Variants in SRBD1 observed in about 807,000 individuals in gnomAD.
SRBD1 encodes the protein S1 RNA-binding domain-containing protein 1.
In SRBD1, 88 loss-of-function variants were observed where a neutral mutation model predicts 115.3. The observed-to-expected ratio is 0.76, with a 90% CI of 0.64 to 0.91. SRBD1 has a LOEUF of 0.91. SRBD1 is among the 40% of genes least tolerant of loss of function. SRBD1 has a pLI of 0.00. For synonymous variants in SRBD1, 509 were observed against 407.7 expected, an observed-to-expected ratio of 1.25 and a Z score of -2.99; for missense variants, 1,385 against 1,177.4, an observed-to-expected ratio of 1.18 and a Z score of -2.58.
At chr2:45,532,991 T>C (rs1010819704) in intron 14 of SRBD1, among the ~76,000 whole-genome samples, 1 of 152,058 alleles carries the variant, frequency 6.6e-6, no homozygotes, top group African/African-American at 2.4e-5. Flanking sequence ...ACCAAAATAA[T>C]TCTTCACAAC....
intron 10 of SRBD1, among the ~76,000 whole-genome samples, chr2:45,562,246 G>A (rs1169888398): frequency 3.9e-5 from 6 of 151,998 alleles, no homozygotes; most frequent in African/African-American, 1.5e-4. Context: ...TTGTTTTCTT[G>A]AGATGGAGTC....
chr2:45,541,163 G>A (rs963676337), intron 14 of SRBD1, among the ~76,000 whole-genome samples: 2 of 152,242 alleles, frequency 1.3e-5, no homozygotes, highest in African/African-American at 4.8e-5. Flanking sequence ...AGCTGTGGCA[G>A]GGCAGGTGGT....
At chr2:45,519,196 G>C (rs1046249748) in intron 14 of SRBD1, among the ~76,000 whole-genome samples, 44 of 152,116 alleles carry the variant, frequency 2.9e-4, no homozygotes, top group African/African-American at 1.0e-3. Context: ...AAAATGTTTA[G>C]TTTTTATAGA....
intron 16 of SRBD1, among the ~76,000 whole-genome samples, chr2:45,461,923 C>G (rs935844544): frequency 6.6e-5 from 10 of 152,098 alleles, no homozygotes; most frequent in African/African-American, 2.2e-4. Context: ...CCTAACGTGT[C>G]GATCCTCCTC....
intron 16 of SRBD1, among the ~76,000 whole-genome samples, chr2:45,436,302 T>A (rs1668496556): frequency 6.6e-6 from 1 of 152,142 alleles, no homozygotes; most frequent in African/African-American, 2.4e-5. Context: ...ACAGCTAACA[T>A]AACATTTAAT....
intron 4 of SRBD1, among the ~76,000 whole-genome samples, chr2:45,589,230 G>A (rs4141664): frequency 0.8 from 122,229 of 152,128 alleles, 49,893 homozygotes; most frequent in African/African-American, 0.92. Context: ...CTACAGGTAA[G>A]GGTCAACCAC....
At chr2:45,594,783 C>G (rs1357045627) in intron 4 of SRBD1, among the ~76,000 whole-genome samples, 3 of 152,122 alleles carry the variant, frequency 2.0e-5, no homozygotes, top group Non-Finnish European at 2.9e-5. Context: ...AGTCACCAAA[C>G]TAAAACAAAG....
chr2:45,389,409 T>C lies in SRBD1; in HGVS notation c.2889A>G (p.Arg963=), dbSNP rs753375108. Residue 963 remains arginine (R), a synonymous_variant, in exon 21 of 21, where the codon AGA becomes AGG. Transcript: ENST00000263736. ...EAKLSKTKKR[R]SLGLGPGERV... is the part of the protein sequence containing the mutation. ...TTTCTCCGGGGCCCAGTCCAAGGCT[T>C]CTTCTCTTCTTTGTTTTTGAAAGTT... 1 of 1,614,096 alleles carries C rather than the reference T, an allele frequency of 6.2e-7. No homozygotes were observed. Among genetic ancestry groups the C allele is most frequent in the South Asian group, 1.1e-5 (1 of 91,080 alleles).
At chr2:45,581,128 G>T (rs116183289) in intron 6 of SRBD1, among the ~76,000 whole-genome samples, 1 of 151,894 alleles carries the variant, frequency 6.6e-6, no homozygotes, top group Admixed American at 6.6e-5. Context: ...TCTTCATTCT[G>T]CCAAACTTCT....
intron 7 of SRBD1, among the ~76,000 whole-genome samples, chr2:45,577,449 T>C (rs1263961490): frequency 1.3e-5 from 2 of 152,212 alleles, no homozygotes; most frequent in African/African-American, 4.8e-5. Flanking sequence ...CCTCCACACC[T>C]GTAAACAAAA....
At chr2:45,523,618 C>A (rs1671354540) in intron 14 of SRBD1, among the ~76,000 whole-genome samples, 1 of 151,464 alleles carries the variant, frequency 6.6e-6, no homozygotes, top group African/African-American at 2.4e-5. Flanking sequence ...TGGAAAGACA[C>A]AAACTACCAA....
chr2:45,576,661 A>G (rs1325817188), intron 7 of SRBD1, among the ~76,000 whole-genome samples: 3 of 152,178 alleles, frequency 2.0e-5, no homozygotes, highest in Admixed American at 2.0e-4. Flanking sequence ...CTCAATAAAC[A>G]TTTGCTCTTC....
chr2:45,596,920 C>G (rs541558184), intron 4 of SRBD1, among the ~76,000 whole-genome samples: 1 of 121,640 alleles, frequency 8.2e-6, no homozygotes. Flanking sequence ...AACACCCCCC[C>G]ACAACCCTAA....
rs949357700 is a variant in SRBD1 at position 45,408,385 on chromosome 2, G to A, written c.2513+4729C>T. 7.2e-5 allele frequency among the ~76,000 whole-genome samples: 11 copies of A among 152,316 alleles called. No homozygotes were observed. The East Asian group carries it at 2.1e-3, about 29-fold the overall frequency. On this transcript the variant is annotated intron_variant, in intron 19 of 20. Transcript: ENST00000263736. ...CACTTGATCTTAGCCAAAAGGCCGA[G>A]AAGCGATCATCTCTAGGTTTTGAAG...
At chr2:45,476,611 G>A (rs1227610392) in intron 16 of SRBD1, among the ~76,000 whole-genome samples, 4 of 152,080 alleles carry the variant, frequency 2.6e-5, no homozygotes, top group East Asian at 1.9e-4. Flanking sequence ...TCACACATAA[G>A]ATCTACTTAT....
intron 14 of SRBD1, among the ~76,000 whole-genome samples, chr2:45,519,305 G>C: frequency 6.6e-6 from 1 of 152,108 alleles, no homozygotes; most frequent in East Asian, 1.9e-4. Context: ...ATACAACATG[G>C]GGACCCCACT....
At chr2:45,599,857 A>G (rs779697464) in intron 3 of SRBD1, 22 bp from the exon 4 acceptor site, 8 of 1,580,816 alleles carry the variant, frequency 5.1e-6, no homozygotes, top group Non-Finnish European at 6.0e-6. Flanking sequence ...CAAAGAGAAC[A>G]TATGAGAATT....
intron 14 of SRBD1, among the ~76,000 whole-genome samples, chr2:45,545,255 G>C (rs901267486): frequency 3.0e-5 from 4 of 131,864 alleles, no homozygotes; most frequent in Non-Finnish European, 6.1e-5. Context: ...ACTCCAGCCT[G>C]GGTGACAGAG....
At chr2:45,406,095 G>A (rs1463800804) in intron 19 of SRBD1, among the ~76,000 whole-genome samples, 5 of 151,972 alleles carry the variant, frequency 3.3e-5, no homozygotes, top group Non-Finnish European at 5.9e-5. Flanking sequence ...TTATTCATTC[G>A]GCTGCCACTC....
Sources: allele counts gnomAD v4.1 joint callset (sites outside exome capture counted in the v4.1 genomes callset), GRCh38; gene constraint gnomAD v4.1.1; transcripts MANE v1.5; gene names NCBI Gene and HGNC (gene_info 2026-07-23, HGNC 2026-07-21).